The following DPP10 variants were observed in gnomAD, a reference collection of about 807,000 sequenced individuals.
DPP10 encodes the protein inactive dipeptidyl peptidase 10.
Under a neutral mutation model 120.9 loss-of-function variants are expected in DPP10, and 33 were observed. That is an observed-to-expected ratio of 0.27 (90% CI 0.21 to 0.37). The LOEUF (loss-of-function observed/expected upper bound fraction) is 0.37. Ranked by LOEUF, DPP10 falls within the 10% of genes least tolerant of loss-of-function variation. The probability of loss-of-function intolerance (pLI) is 1.00; values close to 1 mark genes in which losing one functional copy is unlikely to be tolerated. For missense variants in DPP10, 816 were observed against 942.8 expected, an observed-to-expected ratio of 0.87 and a Z score of 1.76; for synonymous variants, 337 against 326.1, an observed-to-expected ratio of 1.03 and a Z score of -0.36.
At chr2:114,812,340 G>A (rs895666973) in intron 1 of DPP10, among the ~76,000 whole-genome samples, 2 of 152,108 alleles carry the variant, frequency 1.3e-5, no homozygotes, top group Non-Finnish European at 2.9e-5. Flanking sequence ...GGTGACTCAT[G>A]CCTGTAAGCC....
At chr2:114,980,896 TA>T (rs1402427839) in intron 1 of DPP10, among the ~76,000 whole-genome samples, 1 of 152,134 alleles carries the variant, frequency 6.6e-6, no homozygotes, top group Non-Finnish European at 1.5e-5. Context: ...TAACGTTTTA[TA>T]CTCCATAGTA....
chr2:114,739,386 C>T (rs1677795072), intron 1 of DPP10, among the ~76,000 whole-genome samples: 1 of 152,202 alleles, frequency 6.6e-6, no homozygotes, highest in Non-Finnish European at 1.5e-5. Context: ...GTTCTTGGAA[C>T]GGTGGCTCAC....
At chr2:115,342,006 A>G (rs1053180352) in intron 2 of DPP10, 8 of 356,238 alleles carry the variant, frequency 2.2e-5, no homozygotes, top group Admixed American at 1.1e-4. Context: ...GTTTAGTTTT[A>G]TAAGAAAATG....
At chr2:115,452,143 G>A (rs1236449232) in intron 3 of DPP10, among the ~76,000 whole-genome samples, 1 of 151,786 alleles carries the variant, frequency 6.6e-6, no homozygotes, top group African/African-American at 2.4e-5. Flanking sequence ...TTCTTCTTTA[G>A]TTTTATTTGT....
At chr2:115,307,220 C>CAA (rs1327058735) in intron 1 of DPP10, among the ~76,000 whole-genome samples, 2 of 151,892 alleles carry the variant, frequency 1.3e-5, no homozygotes, top group African/African-American at 2.4e-5. Context: ...TATATATAAG[C>CAA]TATTATTACT....
intron 1 of DPP10, among the ~76,000 whole-genome samples, chr2:115,120,253 C>T (rs2049752348): frequency 6.6e-6 from 1 of 152,144 alleles, no homozygotes; most frequent in Admixed American, 6.5e-5. Flanking sequence ...ATGCCAAGTC[C>T]TATGAGAAGG....
At chr2:115,615,141 C>T (rs2084392652) in intron 5 of DPP10, among the ~76,000 whole-genome samples, 1 of 151,738 alleles carries the variant, frequency 6.6e-6, no homozygotes, top group African/African-American at 2.4e-5. Flanking sequence ...TCCAGAATGT[C>T]ATTACAGAGG....
intron 19 of DPP10, among the ~76,000 whole-genome samples, chr2:115,797,333 G>A (rs1684651929): frequency 6.6e-6 from 1 of 151,942 alleles, no homozygotes; most frequent in Non-Finnish European, 1.5e-5. Context: ...ATTGTGAGAG[G>A]TGAGTTCATT....
At chr2:114,987,093 C>A (rs1700451770) in intron 1 of DPP10, among the ~76,000 whole-genome samples, 1 of 152,072 alleles carries the variant, frequency 6.6e-6, no homozygotes, top group Non-Finnish European at 1.5e-5. Flanking sequence ...GATAGGTTTT[C>A]TCATTGCCAT....
In DPP10 at chr2:114,880,301, T is replaced by C. The variant is rs1315008978; in HGVS notation, c.61-428938T>C. Among the ~76,000 whole-genome samples the C allele has an allele frequency of 2.0e-5, 3 of 152,294 alleles. No individual in the cohort carries two copies. The South Asian group carries it at 6.2e-4, about 32-fold the overall frequency. On this transcript the variant is annotated intron_variant, in intron 1 of 25. Coordinates refer to ENST00000410059, the MANE Select transcript of DPP10 (RefSeq NM_020868.6). ...AAAGAATATTGCCTCATTAACAAATTTGGCAACGCTACAGTGACAGTAATC... is the reference window on the plus strand; with the variant it reads ...AAAGAATATTGCCTCATTAACAAATCTGGCAACGCTACAGTGACAGTAATC...
intron 5 of DPP10, among the ~76,000 whole-genome samples, chr2:115,538,444 A>G (rs1395670286): frequency 6.6e-6 from 1 of 152,024 alleles, no homozygotes; most frequent in African/African-American, 2.4e-5. Flanking sequence ...ATAAATAGAT[A>G]AAAGTATACT....
chr2:114,488,390 G>A (rs1434092998), intron 1 of DPP10, among the ~76,000 whole-genome samples: 2 of 152,194 alleles, frequency 1.3e-5, no homozygotes, highest in Admixed American at 6.5e-5. Flanking sequence ...AGGATTAAGT[G>A]AGGACACATA....
chr2:115,570,373 A>G (rs2081268336), intron 5 of DPP10, among the ~76,000 whole-genome samples: 2 of 152,254 alleles, frequency 1.3e-5, no homozygotes, highest in East Asian at 1.9e-4. Flanking sequence ...AACAGTTTTA[A>G]TGGCACACTT....
At chr2:115,327,481 G>A (rs1364114479) in intron 2 of DPP10, among the ~76,000 whole-genome samples, 1 of 151,946 alleles carries the variant, frequency 6.6e-6, no homozygotes, top group African/African-American at 2.4e-5. Flanking sequence ...TGCTTGAAGG[G>A]GCTCGAATTT....
chr2:114,876,309 A>C (rs911674474), intron 1 of DPP10, among the ~76,000 whole-genome samples: 1 of 152,052 alleles, frequency 6.6e-6, no homozygotes, highest in Non-Finnish European at 1.5e-5. Context: ...GCAGATGGGG[A>C]ATAAAGTTCT....
intron 1 of DPP10, among the ~76,000 whole-genome samples, chr2:114,879,480 A>G (rs971411588): frequency 6.6e-6 from 1 of 152,176 alleles, no homozygotes; most frequent in African/African-American, 2.4e-5. Flanking sequence ...CTTGAGAATA[A>G]TGAAAATTAA....
chr2:115,812,088 T>C (rs1408049951), intron 19 of DPP10, among the ~76,000 whole-genome samples: 1 of 152,228 alleles, frequency 6.6e-6, no homozygotes, highest in Non-Finnish European at 1.5e-5. Context: ...AATATGGTAG[T>C]ATTGGCCATC....
chr2:115,407,870 G>C (rs2068640714), intron 3 of DPP10, among the ~76,000 whole-genome samples: 1 of 149,232 alleles, frequency 6.7e-6, no homozygotes, highest in Non-Finnish European at 1.5e-5. Flanking sequence ...GGAGGAAAAA[G>C]GAAAAAAAAA....
chr2:115,799,703 C>G (rs575459303), intron 19 of DPP10, among the ~76,000 whole-genome samples: 2 of 149,476 alleles, frequency 1.3e-5, no homozygotes, highest in South Asian at 2.1e-4. Context: ...TTTGTCCTTG[C>G]GATAGTTTGC....
Sources: gnomAD v4.1 joint callset for allele counts (sites outside exome capture counted in the v4.1 genomes callset) on GRCh38, gnomAD v4.1.1 for gene constraint, MANE v1.5 for transcripts, NCBI Gene and HGNC (gene_info 2026-07-23, HGNC 2026-07-21) for gene names.